The following EYS variants were observed in gnomAD, a reference collection of about 807,000 sequenced individuals.
EYS encodes EGF-like photoreceptor maintenance factor.
Under a neutral mutation model 282.1 loss-of-function variants are expected in EYS, and 250 were observed. The observed-to-expected ratio is 0.89, with a 90% CI of 0.80 to 0.98. The LOEUF is 0.98. EYS is among the 50% of genes least tolerant of loss of function. EYS has a pLI of 0.00. For synonymous variants in EYS, 1,355 were observed against 1,282.9 expected (o/e 1.06, Z -1.20); for missense variants, 4,016 against 3,709.0 (o/e 1.08, Z -2.15).
intron 2 of EYS, among the ~76,000 whole-genome samples, chr6:65,604,218 G>T (rs2149791507): frequency 1.3e-5 from 2 of 151,988 alleles, no homozygotes; most frequent in South Asian, 4.1e-4. Flanking sequence ...ATATGGGAGG[G>T]AGTTGATGTT....
chr6:64,137,131 C>A (rs1027381216), intron 31 of EYS, among the ~76,000 whole-genome samples: 2 of 152,146 alleles, frequency 1.3e-5, no homozygotes, highest in Non-Finnish European at 2.9e-5. Context: ...ATGGAGATGG[C>A]TTCTTAAACC....
At chr6:65,242,755 A>G (rs1054674213) in intron 12 of EYS, among the ~76,000 whole-genome samples, 3 of 152,082 alleles carry the variant, frequency 2.0e-5, no homozygotes, top group African/African-American at 7.2e-5. Flanking sequence ...TAGGGTTCCC[A>G]TTTCTCTACA....
intron 30 of EYS, among the ~76,000 whole-genome samples, chr6:64,254,240 T>A (rs1466624859): frequency 2.0e-5 from 3 of 152,108 alleles, no homozygotes; most frequent in Non-Finnish European, 4.4e-5. Flanking sequence ...GGAGGACATG[T>A]TCGTTTGGAA....
At chr6:65,284,478 A>T (rs1768306059) in intron 12 of EYS, among the ~76,000 whole-genome samples, 1 of 152,094 alleles carries the variant, frequency 6.6e-6, no homozygotes, top group Non-Finnish European at 1.5e-5. Flanking sequence ...AACTATTAAA[A>T]TTGAAAAGTT....
chr6:63,751,252 A>G (rs1041125973), intron 41 of EYS, among the ~76,000 whole-genome samples: 14 of 152,202 alleles, frequency 9.2e-5, no homozygotes, highest in African/African-American at 3.1e-4. Context: ...AGATAAAATT[A>G]ACTTTGTTCT....
At chr6:64,945,766 G>A in intron 15 of EYS, 27 bp downstream of exon 15, 1 of 1,544,700 alleles carries the variant, frequency 6.5e-7, no homozygotes, top group Non-Finnish European at 8.8e-7. Context: ...GTAATTTCAT[G>A]AAGAAAGCTA....
intron 39 of EYS, among the ~76,000 whole-genome samples, chr6:63,783,588 A>G (rs892644055): frequency 1.4e-4 from 22 of 152,204 alleles, no homozygotes; most frequent in Admixed American, 1.3e-3. Context: ...GTATATAATT[A>G]TATTAGGTAT....
chr6:64,397,449 A>C (rs770685279), intron 28 of EYS, among the ~76,000 whole-genome samples: 1 of 152,018 alleles, frequency 6.6e-6, no homozygotes, highest in Non-Finnish European at 1.5e-5. Context: ...TTCTTTGTGG[A>C]GATGATAAAT....
At chr6:64,155,757 T>A (rs1309992900) in intron 31 of EYS, among the ~76,000 whole-genome samples, 1 of 152,170 alleles carries the variant, frequency 6.6e-6, no homozygotes, top group East Asian at 1.9e-4. Flanking sequence ...ATTTTATTCA[T>A]CACAGATTGT....
intron 29 of EYS, among the ~76,000 whole-genome samples, chr6:64,315,891 T>A (rs1159117881): frequency 6.6e-6 from 1 of 152,206 alleles, no homozygotes; most frequent in Admixed American, 6.6e-5. Context: ...GCTTCATCCC[T>A]GGGATACAAG....
chr6:65,475,750 CAGACAG>C (rs1352808408), intron 5 of EYS, among the ~76,000 whole-genome samples: 25 of 135,200 alleles, frequency 1.8e-4, no homozygotes, highest in Middle Eastern at 4.2e-3. Context: ...GACAGACAGA[CAGACAG>C]ACACACACAC....
intron 12 of EYS, among the ~76,000 whole-genome samples, chr6:65,176,890 T>C (rs1432027437): frequency 6.6e-6 from 1 of 151,730 alleles, no homozygotes; most frequent in Non-Finnish European, 1.5e-5. Flanking sequence ...TTTAAGAAAA[T>C]TAAAATCCTT....
chr6:65,216,950 C>T (rs1042176167), intron 12 of EYS, among the ~76,000 whole-genome samples: 1 of 152,056 alleles, frequency 6.6e-6, no homozygotes, highest in East Asian at 1.9e-4. Flanking sequence ...TTTGAATAAG[C>T]CCACATTTAA....
At chr6:65,330,288 T>C (rs376064222) in intron 11 of EYS, 6 of 945,392 alleles carry the variant, frequency 6.3e-6, no homozygotes, top group South Asian at 9.8e-5. Flanking sequence ...TATGAATGAA[T>C]ATATTTCATT....
intron 40 of EYS, among the ~76,000 whole-genome samples, chr6:63,770,239 A>AT (rs1769896587): frequency 4.6e-5 from 7 of 152,096 alleles, no homozygotes. Context: ...TGAGAAGCTA[A>AT]TACAGAAAAA....
intron 40 of EYS, among the ~76,000 whole-genome samples, chr6:63,775,221 G>A (rs1469360973): frequency 6.6e-6 from 1 of 152,110 alleles, no homozygotes; most frequent in Non-Finnish European, 1.5e-5. Flanking sequence ...TGAACACACT[G>A]GAAACCTTAT....
intron 8 of EYS, among the ~76,000 whole-genome samples, chr6:65,373,724 CT>C (rs1242455473): frequency 6.6e-6 from 1 of 151,992 alleles, no homozygotes; most frequent in African/African-American, 2.4e-5. Context: ...ATACACTATA[CT>C]TTTTAATATT....
intron 13 of EYS, among the ~76,000 whole-genome samples, chr6:65,021,917 T>C (rs1028989838): frequency 1.3e-5 from 2 of 152,090 alleles, no homozygotes; most frequent in African/African-American, 4.8e-5. Flanking sequence ...CATCACACCT[T>C]GTGAGAACTC....
intron 22 of EYS, among the ~76,000 whole-genome samples, chr6:64,647,140 G>A (rs13202049): frequency 2.1e-3 from 317 of 152,078 alleles, no homozygotes; most frequent in Non-Finnish European, 3.9e-3. Context: ...CTGTATGTCC[G>A]AAAACATCTC....
Sources: gnomAD v4.1 joint callset for allele counts (sites outside exome capture counted in the v4.1 genomes callset) on GRCh38, gnomAD v4.1.1 for gene constraint, MANE v1.5 for transcripts, NCBI Gene and HGNC (gene_info 2026-07-23, HGNC 2026-07-21) for gene names.